Variants in PACRG observed in about 807,000 individuals in gnomAD.
PACRG encodes parkin coregulated.
A neutral mutation model predicts 29.7 loss-of-function variants in PACRG; 29 were observed. The observed-to-expected ratio is 0.98, with a 90% CI of 0.73 to 1.33. The LOEUF (loss-of-function observed/expected upper bound fraction) is 1.33, where lower values mean the gene tolerates loss of function less well. Among genes scored for constraint, PACRG ranks in the 40% most tolerant of loss-of-function variants. The probability of loss-of-function intolerance (pLI) is 0.00; values close to 1 mark genes in which losing one functional copy is unlikely to be tolerated. For missense variants in PACRG, 279 were observed against 316.2 expected, an observed-to-expected ratio of 0.88 and a Z score of 0.89; for synonymous variants, 116 against 118.7, an observed-to-expected ratio of 0.98 and a Z score of 0.15.
At chr6:162,877,761 T>C (rs1394037037) in intron 2 of PACRG, among the ~76,000 whole-genome samples, 1 of 152,136 alleles carries the variant, frequency 6.6e-6, no homozygotes, top group East Asian at 1.9e-4. Context: ...CGTTCCTTGG[T>C]TCAGAAATGG....
At chr6:162,773,494 ATTTTTTTTTTTTTTTTTTT>A (rs71008110) in intron 1 of PACRG, among the ~76,000 whole-genome samples, 1 of 65,998 alleles carries the variant, frequency 1.5e-5, no homozygotes, top group Non-Finnish European at 2.6e-5. Context: ...ACAGCTTGTC[ATTTTTTTTTTTTTTTTTTT>A]TTTTTTTTTT....
rs1201420115 is a variant in PACRG at position 163,054,792 on chromosome 6, G to A, written c.292-7358G>A. 3.3e-5 allele frequency among the ~76,000 whole-genome samples: 5 copies of A among 152,152 alleles called. No homozygotes were observed. In the East Asian group the frequency reaches 9.6e-4, roughly 29 times the overall value. On this transcript the variant is annotated intron_variant, in intron 2 of 4. Coordinates refer to ENST00000366888, the MANE Select transcript of PACRG (RefSeq NM_001080379.2). Reference sequence around the variant, plus strand: ...CCCAGTTTCCACACAGGAAGAGGAGGGGCCAGGCTACTCCCTGCGGCAAAT... The same window carrying A: ...CCCAGTTTCCACACAGGAAGAGGAGAGGCCAGGCTACTCCCTGCGGCAAAT...
intron 2 of PACRG, among the ~76,000 whole-genome samples, chr6:162,880,944 A>G (rs889817431): frequency 6.6e-6 from 1 of 152,182 alleles, no homozygotes. Context: ...GATGTGCTGG[A>G]TGTGTGCACA....
chr6:163,083,584 C>T (rs1813274239), intron 3 of PACRG, among the ~76,000 whole-genome samples: 1 of 152,114 alleles, frequency 6.6e-6, no homozygotes, highest in African/African-American at 2.4e-5. Context: ...TGAGACCTGT[C>T]TCAGATTTTC....
At chr6:163,035,600 C>T (rs558037477) in intron 2 of PACRG, among the ~76,000 whole-genome samples, 16 of 151,772 alleles carry the variant, frequency 1.1e-4, no homozygotes, top group African/African-American at 3.4e-4. Flanking sequence ...GAGCCTAGAT[C>T]ATGCCACTGC....
At chr6:163,145,818 G>A (rs1414638425) in intron 4 of PACRG, among the ~76,000 whole-genome samples, 1 of 152,174 alleles carries the variant, frequency 6.6e-6, no homozygotes, top group East Asian at 1.9e-4. Flanking sequence ...AGAAGGCCCT[G>A]GCCTGGCTTT....
intron 2 of PACRG, among the ~76,000 whole-genome samples, chr6:162,851,734 AATT>A (rs1440573118): frequency 1.3e-5 from 2 of 151,938 alleles, no homozygotes; most frequent in East Asian, 1.9e-4. Flanking sequence ...TTATTCTGAA[AATT>A]ATTATTGATT....
At chr6:162,934,592 C>T (rs1222473122) in intron 2 of PACRG, among the ~76,000 whole-genome samples, 1 of 152,172 alleles carries the variant, frequency 6.6e-6, no homozygotes, top group Non-Finnish European at 1.5e-5. Context: ...AAACCCTTTA[C>T]ATTCAAAGTT....
In PACRG at chr6:162,728,147, T is replaced by C; in HGVS notation, c.-89T>C. On this transcript the variant is annotated 5_prime_UTR_variant, in exon 1 of 5. Coordinates refer to ENST00000366888, the MANE Select transcript of PACRG (RefSeq NM_001080379.2). Reference sequence around the variant, plus strand: ...TTTCTACCATTATCGCGCCTTTTGATATTTTTTTCCAGACCTCCTGCTCAC... The same window carrying C: ...TTTCTACCATTATCGCGCCTTTTGACATTTTTTTCCAGACCTCCTGCTCAC... 1.4e-6 allele frequency: 2 copies of C among 1,466,988 alleles called. No individual in the cohort carries two copies. Among genetic ancestry groups the C allele is most frequent in the Non-Finnish European group, 1.8e-6 (2 of 1,083,728 alleles). The allele number at this position is 1,466,988 out of a possible 1,614,324, so 90.9% of individuals were successfully genotyped here. A position where few individuals can be genotyped will look rare whatever the true frequency, so the allele number is the denominator to read the frequency against.
intron 4 of PACRG, among the ~76,000 whole-genome samples, chr6:163,106,548 A>AT (rs11444203): frequency 0.35 from 52,694 of 151,986 alleles, 9,378 homozygotes; most frequent in East Asian, 0.52. Context: ...ATAGTATGAC[A>AT]TTTTTACTTT....
intron 4 of PACRG, among the ~76,000 whole-genome samples, chr6:163,107,425 A>G (rs954868441): frequency 6.6e-6 from 1 of 152,200 alleles, no homozygotes; most frequent in African/African-American, 2.4e-5. Context: ...GCCTTATTTC[A>G]TTGGTGGTGG....
intron 4 of PACRG, among the ~76,000 whole-genome samples, chr6:163,214,994 C>T (rs560038120): frequency 2.6e-5 from 4 of 152,198 alleles, no homozygotes; most frequent in African/African-American, 9.6e-5. Context: ...CTTCTCCTAC[C>T]TTCTATGTAA....
intron 2 of PACRG, among the ~76,000 whole-genome samples, chr6:162,947,627 T>TATATATATATATATATAATC (rs1799320665): frequency 3.3e-5 from 2 of 61,114 alleles, no homozygotes; most frequent in Non-Finnish European, 6.2e-5. Context: ...TATATATATA[T>TATATATATATATATATAATC]ATATATATAT....
chr6:162,812,636 A>T (rs1379254433), intron 1 of PACRG, among the ~76,000 whole-genome samples: 1 of 152,054 alleles, frequency 6.6e-6, no homozygotes, highest in Non-Finnish European at 1.5e-5. Context: ...GTGATTCAAG[A>T]TTTACTCCTC....
intron 1 of PACRG, among the ~76,000 whole-genome samples, chr6:162,744,526 C>CCAAG (rs1376908313): frequency 6.6e-6 from 1 of 152,088 alleles, no homozygotes; most frequent in Non-Finnish European, 1.5e-5. Context: ...GCACAGGAGA[C>CCAAG]CAAGGCTGCA....
chr6:162,802,071 C>CT, intron 1 of PACRG, among the ~76,000 whole-genome samples: 1 of 152,100 alleles, frequency 6.6e-6, no homozygotes, highest in East Asian at 1.9e-4. Flanking sequence ...AGAGGTTTAT[C>CT]TTCTGAGTTT....
intron 2 of PACRG, among the ~76,000 whole-genome samples, chr6:162,855,513 GAGAA>G: frequency 6.6e-6 from 1 of 152,162 alleles, no homozygotes; most frequent in East Asian, 1.9e-4. Context: ...AAAAAAAATG[GAGAA>G]AGAAGAAATA....
chr6:163,265,427 G>A (rs1305394158), intron 4 of PACRG, among the ~76,000 whole-genome samples: 1 of 152,088 alleles, frequency 6.6e-6, no homozygotes. Context: ...CGGGCCCGTG[G>A]GTATTTGTTT....
Position 162,925,587 on chromosome 6 carries a change from G to A in PACRG, c.291+111306G>A, listed in dbSNP as rs138548693. On this transcript the variant is annotated intron_variant, in intron 2 of 4. Coordinates refer to ENST00000366888, the MANE Select transcript of PACRG (RefSeq NM_001080379.2). ...CTACAGTTATCTCAATAGATGCAAA[G>A]TCCTTCAATAAAATTCAACATCCTT... is the stretch of plus-strand genomic sequence containing the variant. 3.0e-4 allele frequency among the ~76,000 whole-genome samples: 45 copies of A among 151,646 alleles called. No individual in the cohort carries two copies. In the East Asian group the frequency reaches 7.8e-3, roughly 26 times the overall value.
Sources: gnomAD v4.1 joint callset for allele counts (sites outside exome capture counted in the v4.1 genomes callset) on GRCh38, gnomAD v4.1.1 for gene constraint, MANE v1.5 for transcripts, NCBI Gene and HGNC (gene_info 2026-07-23, HGNC 2026-07-21) for gene names.